The following STRN4 variants were observed in gnomAD, a reference collection of about 807,000 sequenced individuals.
STRN4 encodes the protein striatin 4.
Under a neutral mutation model 77.9 loss-of-function variants are expected in STRN4, and 27 were observed. The ratio of observed to expected loss-of-function variants is 0.35; its 90% CI spans 0.26 to 0.48. STRN4 has a LOEUF of 0.48. Among genes scored for constraint, STRN4 ranks in the 20% least tolerant of loss-of-function variants. STRN4 has a pLI of 0.99. For synonymous variants in STRN4, 466 were observed against 443.1 expected (o/e 1.05, Z -0.65); for missense variants, 798 against 1,049.7 (o/e 0.76, Z 3.31).
At position 46,720,588 on chromosome 19, in the gene STRN4, G is replaced by C; in HGVS notation, c.*14C>G. 6.4e-7 allele frequency: 1 copy of C among 1,551,130 alleles called. No homozygotes were observed. On this transcript the variant is annotated 3_prime_UTR_variant, in exon 17 of 18. Coordinates refer to ENST00000263280, the MANE Select transcript of STRN4 (RefSeq NM_013403.3). ...CCCAGCCAGCGTGGCGGCCAGGGCA[G>C]GGCCAGGTGGGCATCATACGAAGAC...
chr19:46,720,656 G>A lies in STRN4; in HGVS notation c.2208C>T (p.Ser736=). ...EAIHAVACHP[S]KALIASAGAD... is the part of the protein sequence containing the mutation. ...CGCCAGCACTGGCAATGAGGGCCTT[G>A]CTGGGGTGGCAGGCAACAGCGTGGA... Residue 736 remains serine, a synonymous_variant, in exon 17 of 18, where the codon AGC becomes AGT. Coordinates refer to ENST00000263280, the MANE Select transcript of STRN4 (RefSeq NM_013403.3). 6.2e-7 allele frequency: 1 copy of A among 1,609,660 alleles called. No individual in the cohort carries two copies. The highest frequency in any genetic ancestry group is 8.5e-7 in the Non-Finnish European group (1 of 1,177,552).
At position 46,733,660 on chromosome 19, in the gene STRN4, G is replaced by C. The variant is rs555718045; in HGVS notation, c.540-424C>G. On this transcript the variant is annotated intron_variant, in intron 4 of 17. Coordinates refer to ENST00000263280, the MANE Select transcript of STRN4 (RefSeq NM_013403.3). The surrounding 1 kb of genome is among the most constrained non-coding windows in gnomAD (Gnocchi z 4.3). ...AATGTTTGTAGAAAAAAACAAAAAG[G>C]CGTTAATGTGCATAAAGCTTACACC... 1.3e-5 allele frequency among the ~76,000 whole-genome samples: 2 copies of C among 152,224 alleles called. No individual in the cohort carries two copies. Among genetic ancestry groups the C allele is most frequent in the Non-Finnish European group, 2.9e-5 (2 of 68,018 alleles).
chr19:46,742,032 A>G (rs2054484071), intron 1 of STRN4, among the ~76,000 whole-genome samples: 1 of 152,146 alleles, frequency 6.6e-6, no homozygotes, highest in Non-Finnish European at 1.5e-5. Flanking sequence ...GGTCCCTCCC[A>G]TCCTCAAAAA....
In STRN4 at chr19:46,733,273, C is replaced by G; in HGVS notation, c.540-37G>C. The G allele has an allele frequency of 1.3e-6, 2 of 1,591,936 alleles. No individual in the cohort carries two copies. Among genetic ancestry groups the G allele is most frequent in the African/African-American group, 1.3e-5 (1 of 74,732 alleles). ...CAGAGCCACGTGGGTCAGACATCCC[C>G]TGGGCTTCTTCATGTACCACAGGGG... On this transcript the variant is annotated intron_variant, in intron 4 of 17. Transcript: ENST00000263280. The surrounding 1 kb of genome is among the most constrained non-coding windows in gnomAD (Gnocchi z 4.3).
At position 46,733,533 on chromosome 19, in the gene STRN4, T is replaced by C; in HGVS notation, c.540-297A>G. The C allele has an allele frequency of 2.7e-6, 1 of 368,886 alleles. No homozygotes were observed. The highest frequency in any genetic ancestry group is 5.3e-5 in the East Asian group (1 of 18,946). 22.9% of individuals were successfully genotyped at this position (368,886 alleles called of 1,614,324 possible). On this transcript the variant is annotated intron_variant, in intron 4 of 17. Transcript: ENST00000263280. This position sits in a 1 kb window ranked among gnomAD's most constrained non-coding sequence, Gnocchi z 4.3. ...AGGGGCTGTGTCAGCAAATGACTCA[T>C]AGCGCTGCAAGGCAGAAGATCAACA...
chr19:46,725,466 C>A lies in STRN4; in HGVS notation c.1424+7G>T. 1 of 1,613,838 alleles carries A rather than the reference C, an allele frequency of 6.2e-7. No homozygotes were observed. The highest frequency in any genetic ancestry group is 8.5e-7 in the Non-Finnish European group (1 of 1,179,884). Reference sequence around the variant, plus strand: ...CCTGCCCCCGGCTCTGAGCTTGCTGCCCTCACTTCTTGGCCGTGACCGCCT... The same window carrying A: ...CCTGCCCCCGGCTCTGAGCTTGCTGACCTCACTTCTTGGCCGTGACCGCCT... On this transcript the variant is annotated splice_region_variant and intron_variant, in intron 10 of 17. Transcript: ENST00000263280.
Position 46,733,071 on chromosome 19 carries a change from C to G in STRN4, c.705G>C (p.Leu235=). ...TCTGCTCCTCGATCTGTTTCACCAG[C>G]AGCGACTCCCCACCACTGAGCCCTG... ...GPAGLSGGES[L]LVKQIEEQIK... Residue 235 remains leucine (L), a synonymous_variant, in exon 5 of 18, where the codon CTG becomes CTC. Coordinates refer to ENST00000263280, the MANE Select transcript of STRN4 (RefSeq NM_013403.3). This position sits in a 1 kb window ranked among gnomAD's most constrained non-coding sequence, Gnocchi z 4.3. 6.2e-7 allele frequency: 1 copy of G among 1,612,844 alleles called. No homozygotes were observed. The highest frequency in any genetic ancestry group is 8.5e-7 in the Non-Finnish European group (1 of 1,179,158).
Position 46,736,843 on chromosome 19 carries a change from C to T in STRN4, c.519G>A (p.Glu173=). 6.2e-7 allele frequency: 1 copy of T among 1,613,566 alleles called. No homozygotes were observed. The highest frequency in any genetic ancestry group is 8.5e-7 in the Non-Finnish European group (1 of 1,179,732). Reference sequence around the variant, plus strand: ...CTCACTGTCGGAGAAGCTGCCGCCCCTCCTTCCACACCAACGGGCTGTTCT... The same window carrying T: ...CTCACTGTCGGAGAAGCTGCCGCCCTTCCTTCCACACCAACGGGCTGTTCT... The part of the protein sequence containing the change: ...TLENSPLVWK[E]GRQLLRQYLE... The change falls in exon 4 of 18, where the codon GAG becomes GAA. Residue 173 remains glutamate, a synonymous_variant. Coordinates refer to ENST00000263280, the MANE Select transcript of STRN4 (RefSeq NM_013403.3).
intron 14 of STRN4, 137 bp downstream of exon 14, chr19:46,722,673 A>C: frequency 2.9e-6 from 4 of 1,371,912 alleles, no homozygotes; most frequent in Non-Finnish European, 4.0e-6. Flanking sequence ...CTGGGACCCA[A>C]CTTCCTTCCT....
intron 9 of STRN4, chr19:46,725,857 GT>G (rs1407528455): frequency 1.6e-6 from 1 of 637,756 alleles, no homozygotes; most frequent in Non-Finnish European, 2.7e-6. Context: ...ACTGCGCTGG[GT>G]TCTGGAGAGA....
At position 46,723,818 on chromosome 19, in the gene STRN4, G is replaced by A. The variant is rs114592268; in HGVS notation, c.1595-534C>T. Among the ~76,000 whole-genome samples, 567 of 152,308 alleles carry A rather than the reference G, an allele frequency of 3.7e-3. 3 individuals carry two copies. Among genetic ancestry groups the A allele is most frequent in the African/African-American group, 0.013 (521 of 41,562 alleles). On this transcript the variant is annotated intron_variant, in intron 12 of 17. Transcript: ENST00000263280. This position sits in a 1 kb window ranked among gnomAD's most constrained non-coding sequence, Gnocchi z 5.5. ...TCTGGCCTGCTGACACCGAAAGTGT[G>A]GTGGCTAATGTAGCTGGGACCGATC...
Position 46,723,303 on chromosome 19 carries a change from G to A in STRN4, c.1595-19C>T, listed in dbSNP as rs1270039258. The A allele has an allele frequency of 2.0e-6, 3 of 1,527,814 alleles. No individual in the cohort carries two copies. The highest frequency in any genetic ancestry group is 2.6e-6 in the Non-Finnish European group (3 of 1,137,340). The allele number at this position is 1,527,814 out of a possible 1,614,324, so 94.6% of individuals were successfully genotyped here. ...CTTGGGTCTGCACCCACCGCAGGGA[G>A]GAAATGGGCTGTGTCAGGGCTGCCA... On this transcript the variant is annotated intron_variant, in intron 12 of 17. Coordinates refer to ENST00000263280, the MANE Select transcript of STRN4 (RefSeq NM_013403.3). This position sits in a 1 kb window ranked among gnomAD's most constrained non-coding sequence, Gnocchi z 5.5.
rs1276043772 is a variant in STRN4 at position 46,741,531 on chromosome 19, C to T, written c.283-2643G>A. On this transcript the variant is annotated intron_variant, in intron 1 of 17. Transcript: ENST00000263280. This position sits in a 1 kb window ranked among gnomAD's most constrained non-coding sequence, Gnocchi z 4.9. ...GCCAGTCTCTCCCTCGCTGCAAACG[C>T]CAGCAGCCCCCACGGGCTGTCTGGT... 2.4e-4 allele frequency among the ~76,000 whole-genome samples: 36 copies of T among 152,228 alleles called. No homozygotes were observed. The highest frequency in any genetic ancestry group is 1.5e-4 in the Non-Finnish European group (10 of 68,042).
chr19:46,730,197 G>A (rs1002679103), intron 6 of STRN4, among the ~76,000 whole-genome samples: 13 of 152,190 alleles, frequency 8.5e-5, no homozygotes, highest in South Asian at 2.1e-4. Context: ...CTGCGGCTCC[G>A]TGCACACCAC....
chr19:46,733,368 C>A lies in STRN4; in HGVS notation c.540-132G>T. On this transcript the variant is annotated intron_variant, in intron 4 of 17. Transcript: ENST00000263280. This position sits in a 1 kb window ranked among gnomAD's most constrained non-coding sequence, Gnocchi z 4.3. ...TACACCAAAATCTGACATAAGCACACCCTCGCTCCAGCAGTTCCCCGTCAA... is the reference window on the plus strand; with the variant it reads ...TACACCAAAATCTGACATAAGCACAACCTCGCTCCAGCAGTTCCCCGTCAA... 1 of 784,494 alleles carries A rather than the reference C, an allele frequency of 1.3e-6. No homozygotes were observed. Among genetic ancestry groups the A allele is most frequent in the Non-Finnish European group, 2.0e-6 (1 of 489,862 alleles). The allele number at this position is 784,494 out of a possible 1,614,324, so 48.6% of individuals were successfully genotyped here. A position where few individuals can be genotyped will look rare whatever the true frequency, so the allele number is the denominator to read the frequency against.
intron 4 of STRN4, among the ~76,000 whole-genome samples, chr19:46,734,432 G>A (rs2054316758): frequency 6.6e-6 from 1 of 152,112 alleles, no homozygotes. Flanking sequence ...TCTAACTTGA[G>A]GAAATCAAGG....
At position 46,746,360 on chromosome 19, in the gene STRN4, G is replaced by A; in HGVS notation, c.71C>T (p.Ala24Val). The A allele has an allele frequency of 8.5e-7, 1 of 1,174,174 alleles. No individual in the cohort carries two copies. Among genetic ancestry groups the A allele is most frequent in the Non-Finnish European group, 1.0e-6 (1 of 952,422 alleles). 72.7% of individuals were successfully genotyped at this position (1,174,174 alleles called of 1,614,324 possible). ...ASSCRPLGSG[A>V]GPGPTGAAPV... ...GGCCGCCCCAGTGGGGCCAGGGCCC[G>A]CGCCTGAGCCGAGCGGACGGCAGGA... The change falls in exon 1 of 18, where the codon GCG (alanine) becomes GTG (valine). Residue 24 changes from alanine to valine, a missense_variant. Ala to Val is a moderately conservative substitution (Grantham distance 64). Transcript: ENST00000263280.
At chr19:46,722,517 G>A (rs2054002652) in intron 14 of STRN4, among the ~76,000 whole-genome samples, 177 bp from the exon 15 acceptor site, 1 of 112,886 alleles carries the variant, frequency 8.9e-6, no homozygotes, top group African/African-American at 3.8e-5. Flanking sequence ...AGCAGCCCCT[G>A]GGCCCTGTTT....
intron 4 of STRN4, among the ~76,000 whole-genome samples, chr19:46,734,412 C>T (rs1325706301): frequency 6.6e-6 from 1 of 152,212 alleles, no homozygotes; most frequent in Non-Finnish European, 1.5e-5. Context: ...AGCAACCCCA[C>T]TTCCAGATAT....
Sources: allele counts gnomAD v4.1 joint callset (sites outside exome capture counted in the v4.1 genomes callset), GRCh38; gene constraint gnomAD v4.1.1; non-coding constraint Gnocchi (gnomAD v3.1); transcripts MANE v1.5; gene names NCBI Gene and HGNC (gene_info 2026-07-23, HGNC 2026-07-21).